Variants in GCH1 observed in about 807,000 individuals in gnomAD.
The protein encoded by GCH1 is GTP cyclohydrolase 1.
Under a neutral mutation model 25.9 loss-of-function variants are expected in GCH1, and 5 were observed. The observed-to-expected ratio is 0.19, with a 90% confidence interval of 0.10 to 0.41. The LOEUF (loss-of-function observed/expected upper bound fraction) is 0.41. GCH1 is among the 10% of genes least tolerant of loss of function. The probability of loss-of-function intolerance (pLI) is 1.00; values close to 1 mark genes in which losing one functional copy is unlikely to be tolerated. For synonymous variants in GCH1, 159 were observed against 129.6 expected, an observed-to-expected ratio of 1.23 and a Z score of -1.54; for missense variants, 261 against 336.5, an observed-to-expected ratio of 0.78 and a Z score of 1.75.
chr14:54,854,454 C>A (rs1484164016), intron 3 of GCH1, among the ~76,000 whole-genome samples: 1 of 152,112 alleles, frequency 6.6e-6, no homozygotes. Flanking sequence ...CTGCCTCACT[C>A]CTCACCCCAA....
chr14:54,863,571 A>G (rs960106950), intron 2 of GCH1, among the ~76,000 whole-genome samples: 2 of 150,648 alleles, frequency 1.3e-5, no homozygotes, highest in East Asian at 3.9e-4. Flanking sequence ...AAATTGTGGT[A>G]TATTTGTACA....
At position 54,845,750 on chromosome 14, in the gene GCH1, A is replaced by T. The variant is rs747199590; in HGVS notation, c.626+18T>A. The T allele has an allele frequency of 7.2e-6, 10 of 1,392,726 alleles. No homozygotes were observed. The South Asian group carries it at 9.2e-5, about 13-fold the overall frequency. 86.3% of individuals were successfully genotyped at this position (1,392,726 alleles called of 1,614,324 possible). A position where few individuals can be genotyped will look rare whatever the true frequency, so the allele number is the denominator to read the frequency against. On this transcript the variant is annotated intron_variant, in intron 5 of 5. Coordinates refer to ENST00000491895, the MANE Select transcript of GCH1 (RefSeq NM_000161.3). ...TAGTGCACCATTATGACGTTACTAA[A>T]GGCAGATGCAGACTTACGTTGCTTC...
At chr14:54,870,839 AAAGCGGCTGGG>A (rs1473250735) in intron 1 of GCH1, among the ~76,000 whole-genome samples, 1 of 152,228 alleles carries the variant, frequency 6.6e-6, no homozygotes, top group Non-Finnish European at 1.5e-5. Flanking sequence ...GTAGGTAAAC[AAAGCGGCTGGG>A]AAGCTTGAAC....
At chr14:54,872,984 A>G (rs201393623) in intron 1 of GCH1, among the ~76,000 whole-genome samples, 30,538 of 149,002 alleles carry the variant, frequency 0.2, 4,373 homozygotes, top group East Asian at 0.4. Context: ...AATTGAACTT[A>G]GCTCTGCACC....
intron 3 of GCH1, among the ~76,000 whole-genome samples, chr14:54,848,265 T>C (rs188530507): frequency 2.4e-4 from 36 of 151,946 alleles, no homozygotes; most frequent in Admixed American, 1.7e-3. Flanking sequence ...GCTTCCTGAG[T>C]AGCTGGGACT....
intron 1 of GCH1, among the ~76,000 whole-genome samples, chr14:54,870,100 T>C (rs547202462): frequency 2.6e-5 from 4 of 152,248 alleles, no homozygotes; most frequent in Admixed American, 2.6e-4. Flanking sequence ...CTTCACTGTA[T>C]GGGTGGCTAT....
chr14:54,859,429 A>T, intron 3 of GCH1: 1 of 502,122 alleles, frequency 2.0e-6, no homozygotes, highest in Non-Finnish European at 3.6e-6. Flanking sequence ...CTGCAGAGAA[A>T]GAGGTGGGCT....
rs201210131 is a variant in GCH1 at position 54,878,522 on chromosome 14, TC to T, written c.344-13087del. 2.2e-3 allele frequency among the ~76,000 whole-genome samples: 334 copies of T among 152,248 alleles called. 1 individual carries two copies. The East Asian group carries it at 0.023, about 10-fold the overall frequency. ...GGAGAATGGTCCAGACCCTCATAGT[TC>T]CATCTAATATCAGAGCTACCTCCAC... is the stretch of plus-strand genomic sequence containing the variant. On this transcript the variant is annotated intron_variant, in intron 1 of 5. Coordinates refer to ENST00000491895, the MANE Select transcript of GCH1 (RefSeq NM_000161.3).
chr14:54,868,913 T>C (rs2040028622), intron 1 of GCH1, among the ~76,000 whole-genome samples: 1 of 151,894 alleles, frequency 6.6e-6, no homozygotes. Context: ...TTATTATTAT[T>C]ATTATTTTAG....
chr14:54,902,364 C>T lies in GCH1; in HGVS notation c.300G>A (p.Ser100=), dbSNP rs777068790. 4.6e-5 allele frequency: 75 copies of T among 1,612,940 alleles called. No homozygotes were observed. Among genetic ancestry groups the T allele is most frequent in the Admixed American group, 1.5e-4 (9 of 59,998 alleles). ...AGCCCTTGGTGAAGAACTGCATGGC[C>T]GAGGCCGCCCTCCAGGGCGTCTTGA... ...GLLKTPWRAA[S]AMQFFTKGYQ... is the part of the protein sequence containing the mutation. The change falls in exon 1 of 6, where the codon TCG becomes TCA. Residue 100 remains serine, a synonymous_variant. Transcript: ENST00000491895.
intron 1 of GCH1, among the ~76,000 whole-genome samples, chr14:54,873,227 C>T (rs1164437309): frequency 1.3e-5 from 2 of 152,156 alleles, no homozygotes; most frequent in Non-Finnish European, 2.9e-5. Context: ...AACTGAGCAA[C>T]CTGCTCCTGA....
chr14:54,871,633 A>G (rs2040079972), intron 1 of GCH1, among the ~76,000 whole-genome samples: 1 of 151,830 alleles, frequency 6.6e-6, no homozygotes, highest in Admixed American at 6.6e-5. Context: ...TAGAATAACC[A>G]ATGCAGAGAA....
intron 2 of GCH1, among the ~76,000 whole-genome samples, chr14:54,863,377 A>C (rs1411471722): frequency 1.4e-5 from 2 of 142,046 alleles, no homozygotes; most frequent in African/African-American, 2.6e-5. Context: ...AGCCGAGATC[A>C]CACCACTGCA....
intron 3 of GCH1, among the ~76,000 whole-genome samples, chr14:54,851,053 A>T (rs1243144982): frequency 6.6e-6 from 1 of 152,242 alleles, no homozygotes. Context: ...CCAATGGAAC[A>T]GAACAGAGCC....
At chr14:54,895,732 G>C (rs1388053705) in intron 1 of GCH1, among the ~76,000 whole-genome samples, 1 of 152,184 alleles carries the variant, frequency 6.6e-6, no homozygotes, top group Non-Finnish European at 1.5e-5. Context: ...AGATCAAGAC[G>C]AGCTGGTCTG....
intron 2 of GCH1, among the ~76,000 whole-genome samples, chr14:54,865,042 C>A (rs1466741111): frequency 8.2e-5 from 12 of 145,718 alleles, no homozygotes; most frequent in Non-Finnish European, 6.0e-5. Context: ...GTAGTAGCTA[C>A]AAAAAAAAAA....
In GCH1 at chr14:54,865,355, TCA is replaced by T; in HGVS notation, c.423_424del (p.Cys141Ter). On this transcript the variant is annotated stop_gained and frameshift_variant, in exon 2 of 6. Transcript: ENST00000491895. LOFTEE classifies it high-confidence loss of function. ...TCCAACAAATGGAACCAAGTGATGC[TCA>T]CACATGGAAAACATGTCTATGTCCT... The T allele has an allele frequency of 6.4e-7, 1 of 1,552,106 alleles. No individual in the cohort carries two copies. The highest frequency in any genetic ancestry group is 8.9e-7 in the Non-Finnish European group (1 of 1,123,818).
chr14:54,870,476 C>A (rs2040055342), intron 1 of GCH1, among the ~76,000 whole-genome samples: 1 of 152,016 alleles, frequency 6.6e-6, no homozygotes, highest in Admixed American at 6.6e-5. Flanking sequence ...TCGGGTTCAT[C>A]TCACTGGGGA....
intron 1 of GCH1, among the ~76,000 whole-genome samples, chr14:54,873,279 A>C (rs1279456605): frequency 6.6e-6 from 1 of 152,340 alleles, no homozygotes; most frequent in East Asian, 1.9e-4. Context: ...AGACATAAAG[A>C]TGTTCTTTGA....
Sources: gnomAD v4.1 joint callset for allele counts (sites outside exome capture counted in the v4.1 genomes callset) on GRCh38, gnomAD v4.1.1 for gene constraint, MANE v1.5 for transcripts, NCBI Gene and HGNC (gene_info 2026-07-23, HGNC 2026-07-21) for gene names.